The following GPR39 variants were observed in gnomAD, a reference collection of about 807,000 sequenced individuals.
GPR39 encodes the protein G protein-coupled receptor 39, also known as zinc sensing receptor.
Under a neutral mutation model 18.4 loss-of-function variants are expected in GPR39, and 23 were observed. The ratio of observed to expected loss-of-function variants is 1.25; its 90% CI spans 0.90 to 1.77. The LOEUF (loss-of-function observed/expected upper bound fraction) is 1.77. Ranked by LOEUF, GPR39 falls within the 40% of genes most tolerant of loss-of-function variation. The pLI, the probability that GPR39 is intolerant of heterozygous loss-of-function variation, is 0.00. For missense variants in GPR39, 647 were observed against 602.4 expected, an observed-to-expected ratio of 1.07 and a Z score of -0.78; for synonymous variants, 280 against 257.9, an observed-to-expected ratio of 1.09 and a Z score of -0.82.
At chr2:132,462,481 T>C (rs1021943187) in intron 1 of GPR39, among the ~76,000 whole-genome samples, 1 of 152,212 alleles carries the variant, frequency 6.6e-6, no homozygotes, top group African/African-American at 2.4e-5. Flanking sequence ...GAAGTGGCTG[T>C]TAGGCCATTC....
intron 1 of GPR39, among the ~76,000 whole-genome samples, chr2:132,468,163 A>G (rs1232721417): frequency 2.0e-5 from 3 of 152,182 alleles, no homozygotes; most frequent in Non-Finnish European, 4.4e-5. Flanking sequence ...AATCTCCAAA[A>G]TTGAACTTGA....
chr2:132,520,009 A>G (rs981645180), intron 1 of GPR39, among the ~76,000 whole-genome samples: 3 of 152,166 alleles, frequency 2.0e-5, no homozygotes, highest in Non-Finnish European at 4.4e-5. Context: ...TCTTAACAGT[A>G]GCCTACAAGC....
chr2:132,463,356 A>C (rs1456371013), intron 1 of GPR39, among the ~76,000 whole-genome samples: 1 of 149,356 alleles, frequency 6.7e-6, no homozygotes, highest in Non-Finnish European at 1.5e-5. Flanking sequence ...TTGGAGGGCA[A>C]CAACCTCTGT....
intron 1 of GPR39, among the ~76,000 whole-genome samples, chr2:132,580,172 C>T (rs1360135297): frequency 6.6e-6 from 1 of 152,190 alleles, no homozygotes; most frequent in East Asian, 1.9e-4. Context: ...ATAGTTTCTT[C>T]ATCTTTGAAA....
intron 1 of GPR39, among the ~76,000 whole-genome samples, chr2:132,446,313 G>C (rs1020091904): frequency 9.2e-5 from 14 of 152,234 alleles, no homozygotes; most frequent in African/African-American, 3.1e-4. Context: ...ATGAAGAAAT[G>C]GTCTCCACCT....
chr2:132,584,211 G>A (rs553312105), intron 1 of GPR39, among the ~76,000 whole-genome samples: 1 of 152,240 alleles, frequency 6.6e-6, no homozygotes, highest in East Asian at 1.9e-4. Flanking sequence ...TGTGGATCCA[G>A]GCCTTTATGG....
chr2:132,465,611 C>G (rs763998423), intron 1 of GPR39, among the ~76,000 whole-genome samples: 1 of 152,160 alleles, frequency 6.6e-6, no homozygotes, highest in African/African-American at 2.4e-5. Flanking sequence ...TCTCCCTTGG[C>G]AGGTTTACAG....
At chr2:132,529,687 C>T (rs951022868) in intron 1 of GPR39, among the ~76,000 whole-genome samples, 7 of 152,330 alleles carry the variant, frequency 4.6e-5, no homozygotes, top group Middle Eastern at 3.4e-3. Flanking sequence ...GCAGCATTTG[C>T]GGTTCACCAA....
intron 1 of GPR39, among the ~76,000 whole-genome samples, chr2:132,500,884 C>T (rs1008443876): frequency 1.3e-5 from 2 of 151,944 alleles, no homozygotes; most frequent in Non-Finnish European, 2.9e-5. Flanking sequence ...TCATAGTAGC[C>T]TTGAATAATC....
chr2:132,584,309 T>C (rs1680683615), intron 1 of GPR39, among the ~76,000 whole-genome samples: 1 of 152,190 alleles, frequency 6.6e-6, no homozygotes, highest in African/African-American at 2.4e-5. Flanking sequence ...AAGGCCTGCG[T>C]GTTCCTCTCT....
At chr2:132,605,258 G>A (rs934095067) in intron 1 of GPR39, among the ~76,000 whole-genome samples, 1 of 152,212 alleles carries the variant, frequency 6.6e-6, no homozygotes, top group African/African-American at 2.4e-5. Flanking sequence ...CAGGGAGAAG[G>A]TGGCATCAGA....
chr2:132,471,931 A>C (rs549842420), intron 1 of GPR39, among the ~76,000 whole-genome samples: 21 of 152,282 alleles, frequency 1.4e-4, no homozygotes, highest in Middle Eastern at 3.4e-3. Flanking sequence ...ATGTGTATCA[A>C]CTTCAGCAGG....
Position 132,590,815 on chromosome 2 carries a change from G to T in GPR39, c.857-54286G>T, listed in dbSNP as rs1196193039. Among the ~76,000 whole-genome samples the T allele has an allele frequency of 3.1e-5, 4 of 128,832 alleles. No homozygotes were observed. In the East Asian group the frequency reaches 1.1e-3, roughly 34 times the overall value. The allele number at this position is 128,832 out of a possible 152,430, so 84.5% of individuals were successfully genotyped here. On this transcript the variant is annotated intron_variant, in intron 1 of 1. Transcript: ENST00000329321. ...ACTGGATTGAAGGATGCAAAGTATTGTTCGTGTGTGTGTGTGTGTGTGTGT... is the reference window on the plus strand; with the variant it reads ...ACTGGATTGAAGGATGCAAAGTATTTTTCGTGTGTGTGTGTGTGTGTGTGT...
intron 1 of GPR39, among the ~76,000 whole-genome samples, chr2:132,432,294 G>A (rs1054328815): frequency 6.6e-6 from 1 of 152,164 alleles, no homozygotes; most frequent in African/African-American, 2.4e-5. Context: ...GGTGGAAGGG[G>A]CAAGGCAGCT....
intron 1 of GPR39, among the ~76,000 whole-genome samples, chr2:132,587,863 A>G (rs925608890): frequency 3.9e-5 from 6 of 152,182 alleles, no homozygotes; most frequent in Non-Finnish European, 8.8e-5. Flanking sequence ...ATGTTAAAGT[A>G]AGTTATTTTT....
At chr2:132,495,190 C>A (rs1211126381) in intron 1 of GPR39, among the ~76,000 whole-genome samples, 2 of 152,270 alleles carry the variant, frequency 1.3e-5, no homozygotes, top group East Asian at 3.9e-4. Flanking sequence ...CTGGCATGTT[C>A]TAGAAGGCTC....
intron 1 of GPR39, among the ~76,000 whole-genome samples, chr2:132,493,517 TATATATATATACAC>T (rs1321866855): frequency 4.9e-5 from 7 of 143,040 alleles, no homozygotes; most frequent in East Asian, 2.0e-4. Flanking sequence ...TATATATATA[TATATATATATACAC>T]ACACCATATA....
At chr2:132,526,968 T>C (rs1352342640) in intron 1 of GPR39, among the ~76,000 whole-genome samples, 1 of 152,226 alleles carries the variant, frequency 6.6e-6, no homozygotes, top group African/African-American at 2.4e-5. Flanking sequence ...AGTTGTGGGA[T>C]ACATGTGCAG....
At chr2:132,427,332 A>AT (rs199888810) in intron 1 of GPR39, among the ~76,000 whole-genome samples, 30,283 of 147,600 alleles carry the variant, frequency 0.21, 3,191 homozygotes, top group African/African-American at 0.23. Context: ...CCTGGCTAAT[A>AT]TATTTTTTTT....
Sources: gnomAD v4.1 joint callset for allele counts (sites outside exome capture counted in the v4.1 genomes callset) on GRCh38, gnomAD v4.1.1 for gene constraint, MANE v1.5 for transcripts, NCBI Gene and HGNC (gene_info 2026-07-23, HGNC 2026-07-21) for gene names.